MACROD2: variants seen among roughly 807,000 people sequenced by gnomAD.
The protein encoded by MACROD2 is mono-ADP ribosylhydrolase 2.
A neutral mutation model predicts 70.4 loss-of-function variants in MACROD2; 36 were observed. The ratio of observed to expected loss-of-function variants is 0.51; its 90% CI spans 0.39 to 0.68. The LOEUF is 0.68. MACROD2 is among the 30% of genes least tolerant of loss of function. MACROD2 has a pLI of 0.00. For synonymous variants in MACROD2, 172 were observed against 178.8 expected, an observed-to-expected ratio of 0.96 and a Z score of 0.30; for missense variants, 496 against 538.4, an observed-to-expected ratio of 0.92 and a Z score of 0.78.
At chr20:14,275,558 G>T in intron 3 of MACROD2, among the ~76,000 whole-genome samples, 2 of 151,210 alleles carry the variant, frequency 1.3e-5, no homozygotes, top group Non-Finnish European at 3.0e-5. Flanking sequence ...TACCATTCAG[G>T]ACATAGGCAT....
At chr20:15,381,904 A>G (rs1015111277) in intron 6 of MACROD2, among the ~76,000 whole-genome samples, 1 of 152,166 alleles carries the variant, frequency 6.6e-6, no homozygotes, top group Non-Finnish European at 1.5e-5. Context: ...AGGAGCTACA[A>G]ATGACTCCTG....
intron 5 of MACROD2, among the ~76,000 whole-genome samples, chr20:14,811,967 A>C (rs2072718113): frequency 6.6e-6 from 1 of 152,136 alleles, no homozygotes; most frequent in South Asian, 2.1e-4. Context: ...GGAACGCTTT[A>C]CACTGTTCGT....
chr20:14,309,851 C>A (rs2082551131), intron 3 of MACROD2, among the ~76,000 whole-genome samples: 1 of 152,076 alleles, frequency 6.6e-6, no homozygotes, highest in African/African-American at 2.4e-5. Flanking sequence ...ATTTGCTATG[C>A]TATAGTTTAC....
In MACROD2 at chr20:15,233,967, T is replaced by TATATATATA. The variant is rs1568657240; in HGVS notation, c.540+3906_540+3907insATATATATA. Among the ~76,000 whole-genome samples, 9 of 48,582 alleles carry TATATATATA rather than the reference T, an allele frequency of 1.9e-4. 1 individual carries two copies. The highest frequency in any genetic ancestry group is 3.4e-4 in the African/African-American group (4 of 11,902). 31.9% of individuals were successfully genotyped at this position (48,582 alleles called of 152,430 possible). A position where few individuals can be genotyped will look rare whatever the true frequency, so the allele number is the denominator to read the frequency against. On this transcript the variant is annotated intron_variant, in intron 6 of 17. Coordinates refer to ENST00000684519, the MANE Select transcript of MACROD2 (RefSeq NM_001351661.2). ...TTACCCTTGGATCCAAAAAATTTAT[T>TATATATATA]TTTATATATATTTATTTATATATAT...
intron 9 of MACROD2, among the ~76,000 whole-genome samples, chr20:15,874,425 T>C (rs1357581848): frequency 6.6e-6 from 1 of 152,126 alleles, no homozygotes; most frequent in Non-Finnish European, 1.5e-5. Flanking sequence ...TTTGGGTATA[T>C]ACCCAGTAGT....
rs117631227 is a variant in MACROD2, at chr20:14,097,325, C to G, written c.271+11597C>G. 5.2e-3 allele frequency among the ~76,000 whole-genome samples: 786 copies of G among 152,190 alleles called. 11 individuals carry two copies. Among genetic ancestry groups the G allele is most frequent in the Middle Eastern group, 0.024 (7 of 294 alleles). ...TAGAGACAATTTTACTTGTACTGTG[C>G]CACAATCACAGAAAAATATTTTGGA... On this transcript the variant is annotated intron_variant, in intron 3 of 17. Transcript: ENST00000684519.
At chr20:15,622,058 C>T (rs991969370) in intron 8 of MACROD2, among the ~76,000 whole-genome samples, 1 of 152,202 alleles carries the variant, frequency 6.6e-6, no homozygotes, top group African/African-American at 2.4e-5. Context: ...GGTGGATGCA[C>T]ACTGAAGGGG....
chr20:14,646,028 T>C (rs1458844605), intron 4 of MACROD2, among the ~76,000 whole-genome samples: 1 of 150,724 alleles, frequency 6.6e-6, no homozygotes, highest in Non-Finnish European at 1.5e-5. Flanking sequence ...AAATAACTTA[T>C]ATATTAAATA....
chr20:14,741,779 C>T (rs2071735533), intron 5 of MACROD2, among the ~76,000 whole-genome samples: 2 of 151,928 alleles, frequency 1.3e-5, no homozygotes, highest in South Asian at 4.2e-4. Flanking sequence ...TGAGTATAGT[C>T]ACAAGGGGTC....
At chr20:14,500,978 G>A (rs986360931) in intron 4 of MACROD2, among the ~76,000 whole-genome samples, 2 of 151,012 alleles carry the variant, frequency 1.3e-5, no homozygotes, top group South Asian at 2.1e-4. Context: ...TATATAGTTC[G>A]GTTTTGACCA....
chr20:14,828,938 C>T (rs1237889321), intron 5 of MACROD2, among the ~76,000 whole-genome samples: 3 of 150,510 alleles, frequency 2.0e-5, no homozygotes, highest in African/African-American at 4.9e-5. Flanking sequence ...TGTGATGGTC[C>T]AGAACTATTT....
At chr20:15,444,432 A>G (rs1158648236) in intron 7 of MACROD2, among the ~76,000 whole-genome samples, 1 of 152,138 alleles carries the variant, frequency 6.6e-6, no homozygotes, top group East Asian at 1.9e-4. Context: ...GTTAATTTTT[A>G]GTCTTCCTTG....
chr20:15,069,691 T>G (rs1318881323), intron 5 of MACROD2, among the ~76,000 whole-genome samples: 1 of 152,212 alleles, frequency 6.6e-6, no homozygotes, highest in Non-Finnish European at 1.5e-5. Context: ...CTTGGTGAGT[T>G]CCATGTGTTG....
intron 5 of MACROD2, among the ~76,000 whole-genome samples, chr20:15,195,673 C>T (rs988389431): frequency 2.0e-5 from 3 of 152,236 alleles, no homozygotes; most frequent in South Asian, 4.1e-4. Context: ...GACAGTGTGG[C>T]GATCCTTTAA....
chr20:13,999,949 G>T (rs891098060), intron 1 of MACROD2, among the ~76,000 whole-genome samples: 2 of 152,156 alleles, frequency 1.3e-5, no homozygotes, highest in Admixed American at 1.3e-4. Context: ...AGGAGGCGGA[G>T]GTTGCAGTGA....
At chr20:15,894,605 A>T (rs60719255) in intron 10 of MACROD2, among the ~76,000 whole-genome samples, 6 of 151,390 alleles carry the variant, frequency 4.0e-5, no homozygotes, top group Non-Finnish European at 2.9e-5. Flanking sequence ...ACAGAAACAG[A>T]TGTGACCCCT....
At chr20:14,034,931 C>T (rs545245100) in intron 2 of MACROD2, among the ~76,000 whole-genome samples, 1 of 152,070 alleles carries the variant, frequency 6.6e-6, no homozygotes, top group Non-Finnish European at 1.5e-5. Context: ...CACAGTTTTA[C>T]ATTTTTATGT....
At chr20:14,837,977 A>G (rs1382101419) in intron 5 of MACROD2, among the ~76,000 whole-genome samples, 1 of 151,954 alleles carries the variant, frequency 6.6e-6, no homozygotes, top group African/African-American at 2.4e-5. Context: ...AAACAAACAC[A>G]TGGAAACAAA....
intron 8 of MACROD2, among the ~76,000 whole-genome samples, chr20:15,745,780 G>A (rs73107343): frequency 3.3e-5 from 5 of 151,830 alleles, no homozygotes; most frequent in South Asian, 2.1e-4. Flanking sequence ...TAGCTATTCC[G>A]TTTTTTCCAG....
Sources: gnomAD v4.1 joint callset for allele counts (sites outside exome capture counted in the v4.1 genomes callset) on GRCh38, gnomAD v4.1.1 for gene constraint, MANE v1.5 for transcripts, NCBI Gene and HGNC (gene_info 2026-07-23, HGNC 2026-07-21) for gene names.